Variants in ELP1 observed in about 807,000 individuals in gnomAD.
The protein encoded by ELP1 is elongator complex protein 1.
Under a neutral mutation model 183.2 loss-of-function variants are expected in ELP1, and 131 were observed. That is an observed-to-expected ratio of 0.72 (90% CI 0.62 to 0.83). The LOEUF (loss-of-function observed/expected upper bound fraction) is 0.83, where lower values mean the gene tolerates loss of function less well. Ranked by LOEUF, ELP1 falls within the 40% of genes least tolerant of loss-of-function variation. The probability of loss-of-function intolerance (pLI) is 0.00; values close to 1 mark genes in which losing one functional copy is unlikely to be tolerated. For missense variants in ELP1, 1,550 were observed against 1,594.9 expected, an observed-to-expected ratio of 0.97 and a Z score of 0.48; for synonymous variants, 555 against 569.0, an observed-to-expected ratio of 0.98 and a Z score of 0.35.
At position 108,898,861 on chromosome 9, in the gene ELP1, T is replaced by C. The variant is rs1010822371; in HGVS notation, c.2205-112A>G. 18 of 741,536 alleles carry C rather than the reference T, an allele frequency of 2.4e-5. No individual in the cohort carries two copies. The Admixed American group carries it at 3.5e-4, about 15-fold the overall frequency. 45.9% of individuals were successfully genotyped at this position (741,536 alleles called of 1,614,324 possible). The stretch of plus-strand genomic sequence containing the variant: ...AGTTATAATCAGATTACAGCCCCAA[T>C]GCCAAGCTGCTATCACTGGATTTCT... On this transcript the variant is annotated intron_variant, in intron 20 of 36. Transcript: ENST00000374647.
chr9:108,933,869 G>C lies in ELP1; in HGVS notation c.-61C>G, dbSNP rs1830083425. The C allele has an allele frequency of 1.3e-5, 2 of 155,330 alleles. No homozygotes were observed. Among genetic ancestry groups the C allele is most frequent in the African/African-American group, 4.8e-5 (2 of 41,464 alleles). The allele number at this position is 155,330 out of a possible 1,614,324, so 9.6% of individuals were successfully genotyped here. A position where few individuals can be genotyped will look rare whatever the true frequency, so the allele number is the denominator to read the frequency against. On this transcript the variant is annotated 5_prime_UTR_variant, in exon 1 of 37. Transcript: ENST00000374647. ...ACCCTGGATGGATCGCTTACCTGAG[G>C]ACCCCCAAACAGAGGTGCGTCCGGC...
intron 34 of ELP1, 51 bp from the exon 35 acceptor site, chr9:108,878,200 G>C (rs1827775607): frequency 2.6e-6 from 4 of 1,515,762 alleles, no homozygotes; most frequent in Non-Finnish European, 3.7e-6. Flanking sequence ...CAGCTCCATT[G>C]ACAGAATCAT....
intron 34 of ELP1, 127 bp downstream of exon 34, chr9:108,878,496 C>A: frequency 7.8e-7 from 1 of 1,277,792 alleles, no homozygotes; most frequent in Non-Finnish European, 1.1e-6. Flanking sequence ...ACCCTTCCTG[C>A]TAAAAGTTCT....
chr9:108,918,245 C>T (rs904881180), intron 8 of ELP1, among the ~76,000 whole-genome samples: 3 of 152,186 alleles, frequency 2.0e-5, no homozygotes, highest in African/African-American at 7.2e-5. Context: ...AGAGGAGATA[C>T]ATCTTCTATC....
At chr9:108,883,928 T>G (rs1211685935) in intron 29 of ELP1, among the ~76,000 whole-genome samples, 1 of 151,880 alleles carries the variant, frequency 6.6e-6, no homozygotes, top group Non-Finnish European at 1.5e-5. Flanking sequence ...TAAATCTAAC[T>G]ATATTGGTAA....
At chr9:108,921,965 G>A (rs1829664477) in intron 6 of ELP1, among the ~76,000 whole-genome samples, 1 of 152,166 alleles carries the variant, frequency 6.6e-6, no homozygotes, top group South Asian at 2.1e-4. Context: ...GAGACATTAT[G>A]TTGTCCACTT....
chr9:108,868,515 C>T lies in ELP1; in HGVS notation c.*600G>A. ...TGCTAACTCTCTAGCAGAAAATACA[C>T]AGGCAGTAAAACAGTCCCTATAGAC... On this transcript the variant is annotated 3_prime_UTR_variant, in exon 37 of 37. Transcript: ENST00000374647. 1 of 402,406 alleles carries T rather than the reference C, an allele frequency of 2.5e-6. No individual in the cohort carries two copies. Among genetic ancestry groups the T allele is most frequent in the South Asian group, 1.2e-4 (1 of 8,684 alleles). 24.9% of individuals were successfully genotyped at this position (402,406 alleles called of 1,614,324 possible).
Position 108,919,288 on chromosome 9 carries a change from T to C in ELP1, c.614A>G (p.Gln205Arg). The C allele has an allele frequency of 6.2e-7, 1 of 1,613,836 alleles. No homozygotes were observed. Among genetic ancestry groups the C allele is most frequent in the Non-Finnish European group, 8.5e-7 (1 of 1,179,850 alleles). Reference sequence around the variant, plus strand: ...GCAAACAACACTCACAGCAAAAAACTGTCCATCCCCCCGCCAGGTAACTTG... The same window carrying C: ...GCAAACAACACTCACAGCAAAAAACCGTCCATCCCCCCGCCAGGTAACTTG... ...RPQVTWRGDGQFFAVSVVCPE... is the reference protein window; with the variant it reads ...RPQVTWRGDGRFFAVSVVCPE... The change falls in exon 7 of 37, where the codon CAG (glutamine) becomes CGG (arginine). Residue 205 changes from glutamine to arginine, a missense_variant. Gln to Arg is a conservative substitution (Grantham distance 43). Transcript: ENST00000374647.
rs1827287972 is a variant in ELP1, at chr9:108,867,633, A to G, written c.*1482T>C. On this transcript the variant is annotated 3_prime_UTR_variant, in exon 37 of 37. Transcript: ENST00000374647. ...GTTACCATGCTTATTTACCCATGCC[A>G]AAGAGTGATTACAAAGTACTTGCAG... 6.6e-6 allele frequency: 1 copy of G among 152,246 alleles called. No individual in the cohort carries two copies. Among genetic ancestry groups the G allele is most frequent in the South Asian group, 2.1e-4 (1 of 4,834 alleles). The allele number at this position is 152,246 out of a possible 1,614,324, so 9.4% of individuals were successfully genotyped here. A position where few individuals can be genotyped will look rare whatever the true frequency, so the allele number is the denominator to read the frequency against.
intron 36 of ELP1, among the ~76,000 whole-genome samples, chr9:108,870,136 T>C (rs750113833): frequency 2.6e-5 from 4 of 152,046 alleles, no homozygotes; most frequent in Non-Finnish European, 4.4e-5. Context: ...CCACCATACC[T>C]GGCTAATTTC....
chr9:108,931,054 C>T lies in ELP1; in HGVS notation c.93G>A (p.Gly31=). 6.2e-7 allele frequency: 1 copy of T among 1,614,124 alleles called. No homozygotes were observed. Among genetic ancestry groups the T allele is most frequent in the Non-Finnish European group, 8.5e-7 (1 of 1,180,004 alleles). ...PQCFSLRTEQ[G]TVLIGSEHGL... ...CATGTTCTGAACCAATGAGCACCGTCCCCTGTTCAGTTCGGAGAGAGAAGC... is the reference window on the plus strand; with the variant it reads ...CATGTTCTGAACCAATGAGCACCGTTCCCTGTTCAGTTCGGAGAGAGAAGC... The change falls in exon 2 of 37, where the codon GGG becomes GGA. Residue 31 remains glycine, a synonymous_variant. Coordinates refer to ENST00000374647, the MANE Select transcript of ELP1 (RefSeq NM_003640.5).
intron 22 of ELP1, among the ~76,000 whole-genome samples, chr9:108,897,507 C>T (rs1828603337): frequency 6.6e-6 from 1 of 152,172 alleles, no homozygotes; most frequent in Non-Finnish European, 1.5e-5. Flanking sequence ...GTACAATCCA[C>T]ATGTCCAGCA....
At chr9:108,895,707 G>C (rs1031625608) in intron 25 of ELP1, among the ~76,000 whole-genome samples, 3 of 152,102 alleles carry the variant, frequency 2.0e-5, no homozygotes, top group African/African-American at 7.2e-5. Flanking sequence ...TTTTTGGAGA[G>C]GTCATGGGGA....
chr9:108,871,072 A>G (rs1225393336), intron 36 of ELP1, among the ~76,000 whole-genome samples: 7 of 148,198 alleles, frequency 4.7e-5, no homozygotes, highest in Admixed American at 3.5e-4. Context: ...ATCTGGACAC[A>G]GTTTTCTCTA....
chr9:108,897,312 C>A, intron 22 of ELP1, 27 bp from the exon 23 acceptor site: 1 of 1,613,378 alleles, frequency 6.2e-7, no homozygotes, highest in South Asian at 1.1e-5. Context: ...ATGGAATGGT[C>A]ATCAACAGAA....
In ELP1 at chr9:108,869,002, C is replaced by A. The variant is rs914780531; in HGVS notation, c.*113G>T. 50 of 885,376 alleles carry A rather than the reference C, an allele frequency of 5.6e-5. No individual in the cohort carries two copies. The highest frequency in any genetic ancestry group is 9.6e-6 in the Non-Finnish European group (5 of 519,428). The allele number at this position is 885,376 out of a possible 1,614,324, so 54.8% of individuals were successfully genotyped here. A position where few individuals can be genotyped will look rare whatever the true frequency, so the allele number is the denominator to read the frequency against. ...TCTTGGCAATGCTAAGGTAAGTTAT[C>A]ATTTTACTCTTTCCAGTTCTCAATA... On this transcript the variant is annotated 3_prime_UTR_variant, in exon 37 of 37. Transcript: ENST00000374647.
chr9:108,895,049 C>A (rs1006404058), intron 25 of ELP1, among the ~76,000 whole-genome samples: 1 of 152,068 alleles, frequency 6.6e-6, no homozygotes, highest in Non-Finnish European at 1.5e-5. Context: ...AAGTTTGAGA[C>A]CAGCCTGGGC....
intron 18 of ELP1, among the ~76,000 whole-genome samples, chr9:108,900,772 GCCACACACACA>G (rs1828750514): frequency 6.7e-6 from 1 of 148,902 alleles, no homozygotes; most frequent in African/African-American, 2.5e-5. Flanking sequence ...ACACATACAC[GCCACACACACA>G]TACACGCCAC....
At chr9:108,874,737 C>T (rs928422129) in intron 36 of ELP1, among the ~76,000 whole-genome samples, 158 bp downstream of exon 36, 1 of 152,188 alleles carries the variant, frequency 6.6e-6, no homozygotes, top group Non-Finnish European at 1.5e-5. Context: ...ACTGATCATA[C>T]TAAAGATGCG....
Sources: allele counts gnomAD v4.1 joint callset (sites outside exome capture counted in the v4.1 genomes callset), GRCh38; gene constraint gnomAD v4.1.1; transcripts MANE v1.5; gene names NCBI Gene and HGNC (gene_info 2026-07-23, HGNC 2026-07-21).